Variants in CACNB2 observed in about 807,000 individuals in gnomAD.
CACNB2 encodes voltage-dependent L-type calcium channel subunit beta-2.
Under a neutral mutation model 73.3 loss-of-function variants are expected in CACNB2, and 42 were observed. That is an observed-to-expected ratio of 0.57 (90% CI 0.45 to 0.74). The LOEUF (loss-of-function observed/expected upper bound fraction) is 0.74, where lower values mean the gene tolerates loss of function less well. Among genes scored for constraint, CACNB2 ranks in the 30% least tolerant of loss-of-function variants. CACNB2 has a pLI of 0.00. For synonymous variants in CACNB2, 348 were observed against 310.3 expected, an observed-to-expected ratio of 1.12 and a Z score of -1.28; for missense variants, 940 against 853.0, an observed-to-expected ratio of 1.10 and a Z score of -1.27.
chr10:18,493,600 C>T (rs910393782), intron 3 of CACNB2, among the ~76,000 whole-genome samples: 2 of 152,096 alleles, frequency 1.3e-5, no homozygotes, highest in African/African-American at 2.4e-5. Context: ...TTTCTGTAAT[C>T]CCGTTACCTT....
intron 2 of CACNB2, among the ~76,000 whole-genome samples, chr10:18,315,736 GTAAATGTTTAATATTCCAC>G (rs2040158014): frequency 6.6e-6 from 1 of 151,764 alleles, no homozygotes; most frequent in Admixed American, 6.6e-5. Context: ...TGGTGTGTTG[GTAAATGTTTAATATTCCAC>G]TATCCAAAAA....
At chr10:18,408,031 A>T (rs1455435366) in intron 3 of CACNB2, among the ~76,000 whole-genome samples, 1 of 152,138 alleles carries the variant, frequency 6.6e-6, no homozygotes, top group East Asian at 1.9e-4. Context: ...AAGTGTAAGA[A>T]GCAGCAAAAG....
At chr10:18,292,639 G>C (rs1320380308) in intron 2 of CACNB2, among the ~76,000 whole-genome samples, 1 of 152,198 alleles carries the variant, frequency 6.6e-6, no homozygotes, top group Non-Finnish European at 1.5e-5. Flanking sequence ...CTGGGAGACA[G>C]AGTGAGACTC....
chr10:18,162,339 A>G (rs994974380), intron 2 of CACNB2, among the ~76,000 whole-genome samples: 3 of 152,268 alleles, frequency 2.0e-5, no homozygotes, highest in South Asian at 4.1e-4. Flanking sequence ...GAAAACCCAC[A>G]TGGTAAGCCA....
intron 2 of CACNB2, among the ~76,000 whole-genome samples, chr10:18,205,694 G>A (rs1294283373): frequency 6.6e-6 from 1 of 152,138 alleles, no homozygotes; most frequent in African/African-American, 2.4e-5. Flanking sequence ...AATTGGATGG[G>A]GTCCTTGGCC....
intron 2 of CACNB2, among the ~76,000 whole-genome samples, chr10:18,262,225 G>A (rs10764369): frequency 0.31 from 45,027 of 146,896 alleles, 7,502 homozygotes; most frequent in East Asian, 0.7. Flanking sequence ...TGGAAAATTG[G>A]CCACAGAAAA....
rs775242373 is a variant in CACNB2 at position 18,534,197 on chromosome 10, T to G, written c.1176T>G (p.Ile392Met). ...TCAGTAAAACCTCCTTGGCCCCTATTATAGTATATGTAAAGATTTCTTCTC... is the reference window on the plus strand; with the variant it reads ...TCAGTAAAACCTCCTTGGCCCCTATGATAGTATATGTAAAGATTTCTTCTC... ...AQLSKTSLAP[I>M]IVYVKISSPK... is the part of the protein sequence containing the mutation. The change falls in exon 11 of 14, where the codon ATT (isoleucine) becomes ATG (methionine). Residue 392 changes from isoleucine to methionine, a missense_variant. Transcript: ENST00000324631. 3.1e-6 allele frequency: 5 copies of G among 1,613,580 alleles called. No homozygotes were observed. Among genetic ancestry groups the G allele is most frequent in the Non-Finnish European group, 4.2e-6 (5 of 1,179,522 alleles).
chr10:18,420,033 G>C (rs1179545752), intron 3 of CACNB2, among the ~76,000 whole-genome samples: 1 of 152,140 alleles, frequency 6.6e-6, no homozygotes, highest in Admixed American at 6.5e-5. Context: ...TCCCTCAACT[G>C]TAAGTATCTT....
intron 2 of CACNB2, among the ~76,000 whole-genome samples, chr10:18,376,069 G>T (rs1474646268): frequency 6.6e-6 from 1 of 152,168 alleles, no homozygotes. Context: ...ACTATTCACA[G>T]TAGCCAGGAT....
chr10:18,363,383 C>T (rs540243165), intron 2 of CACNB2, among the ~76,000 whole-genome samples: 2 of 152,308 alleles, frequency 1.3e-5, no homozygotes, highest in East Asian at 1.9e-4. Context: ...CAGTCACCCC[C>T]GCTTTCTTCC....
At chr10:18,178,238 G>C (rs567423527) in intron 2 of CACNB2, among the ~76,000 whole-genome samples, 1 of 152,208 alleles carries the variant, frequency 6.6e-6, no homozygotes, top group South Asian at 2.1e-4. Context: ...CCGTTGAAAT[G>C]AGCCTTTTCT....
At chr10:18,406,531 G>C (rs771260666) in intron 3 of CACNB2, among the ~76,000 whole-genome samples, 2 of 152,148 alleles carry the variant, frequency 1.3e-5, no homozygotes, top group African/African-American at 2.4e-5. Flanking sequence ...GCATGTGAGC[G>C]ATCGAGGTTG....
chr10:18,227,216 A>T (rs2036027063), intron 2 of CACNB2, among the ~76,000 whole-genome samples: 1 of 152,042 alleles, frequency 6.6e-6, no homozygotes, highest in South Asian at 2.1e-4. Context: ...ATCAAAGCAA[A>T]AGAAGGAGAA....
At chr10:18,251,673 G>A (rs2037096636) in intron 2 of CACNB2, among the ~76,000 whole-genome samples, 1 of 152,218 alleles carries the variant, frequency 6.6e-6, no homozygotes, top group Non-Finnish European at 1.5e-5. Context: ...CAGTTCCACA[G>A]GCTATACAGG....
chr10:18,300,140 A>G (rs2039450046), intron 2 of CACNB2, among the ~76,000 whole-genome samples: 1 of 149,538 alleles, frequency 6.7e-6, no homozygotes. Context: ...TCCTGTCTCA[A>G]CCTCCCAAGT....
At chr10:18,498,145 C>G (rs184790292) in intron 3 of CACNB2, among the ~76,000 whole-genome samples, 1 of 152,234 alleles carries the variant, frequency 6.6e-6, no homozygotes, top group East Asian at 1.9e-4. Context: ...TGGCCTTTTT[C>G]TAGTTCAGAA....
intron 2 of CACNB2, among the ~76,000 whole-genome samples, chr10:18,351,169 T>C (rs1329226041): frequency 6.6e-6 from 1 of 152,060 alleles, no homozygotes; most frequent in African/African-American, 2.4e-5. Context: ...TTTTTCTTTT[T>C]TGCTAAAATG....
intron 2 of CACNB2, among the ~76,000 whole-genome samples, chr10:18,389,015 G>A (rs1315368355): frequency 6.6e-6 from 1 of 152,190 alleles, no homozygotes; most frequent in Non-Finnish European, 1.5e-5. Flanking sequence ...GGTACTTTGT[G>A]AGAAATTTCA....
At chr10:18,494,707 A>C (rs1449064252) in intron 3 of CACNB2, among the ~76,000 whole-genome samples, 1 of 150,606 alleles carries the variant, frequency 6.6e-6, no homozygotes, top group African/African-American at 2.4e-5. Flanking sequence ...TTTTTTTTTA[A>C]ATCTTGGATC....
Sources: gnomAD v4.1 joint callset for allele counts (sites outside exome capture counted in the v4.1 genomes callset) on GRCh38, gnomAD v4.1.1 for gene constraint, MANE v1.5 for transcripts, NCBI Gene and HGNC (gene_info 2026-07-23, HGNC 2026-07-21) for gene names.